Variants in ARHGAP17 observed in about 807,000 individuals in gnomAD.
ARHGAP17 encodes the protein Rho GTPase activating protein 17.
A neutral mutation model predicts 99.5 loss-of-function variants in ARHGAP17; 57 were observed. That is an observed-to-expected ratio of 0.57 (90% CI 0.46 to 0.71). The LOEUF is 0.71. ARHGAP17 is among the 30% of genes least tolerant of loss of function. ARHGAP17 has a pLI of 0.00. For synonymous variants in ARHGAP17, 417 were observed against 429.6 expected, an observed-to-expected ratio of 0.97 and a Z score of 0.36; for missense variants, 1,000 against 1,122.4, an observed-to-expected ratio of 0.89 and a Z score of 1.56.
chr16:25,011,753 T>C (rs2053649242), intron 1 of ARHGAP17, among the ~76,000 whole-genome samples: 1 of 151,468 alleles, frequency 6.6e-6, no homozygotes, highest in African/African-American at 2.4e-5. Context: ...GCAGCCACAC[T>C]ACTTATTAGA....
At chr16:24,928,998 T>G (rs1286168410) in intron 19 of ARHGAP17, among the ~76,000 whole-genome samples, 2 of 152,124 alleles carry the variant, frequency 1.3e-5, no homozygotes, top group Non-Finnish European at 2.9e-5. Flanking sequence ...AAATTTAAAA[T>G]TAAAGCTCAA....
Position 25,015,253 on chromosome 16 carries a change from C to A in ARHGAP17, c.9G>T (p.Lys3Asn). 7.4e-7 allele frequency: 1 copy of A among 1,353,876 alleles called. No homozygotes were observed. Among genetic ancestry groups the A allele is most frequent in the Non-Finnish European group, 9.6e-7 (1 of 1,041,778 alleles). 83.9% of individuals were successfully genotyped at this position (1,353,876 alleles called of 1,614,324 possible). Residue 3 changes from lysine to asparagine, a missense_variant, in exon 1 of 20, where the codon AAG becomes AAT. This residue lies in a region of ARHGAP17 where 472 missense variants were observed against 611.1 expected (regional missense o/e 0.77). Transcript: ENST00000289968. Reference sequence around the variant, plus strand: ...CCAGCTGCTTCATGCGGTTGAACTGCTTCTTCATGGCGGCGGTGGCGGCGG... The same window carrying A: ...CCAGCTGCTTCATGCGGTTGAACTGATTCTTCATGGCGGCGGTGGCGGCGG... MKKQFNRMKQLAN... is the reference protein window; with the variant it reads MKNQFNRMKQLAN...
intron 3 of ARHGAP17, among the ~76,000 whole-genome samples, chr16:24,971,628 T>TAA (rs2052366892): frequency 6.6e-6 from 1 of 152,224 alleles, no homozygotes; most frequent in Admixed American, 6.5e-5. Flanking sequence ...GCACCCAGTC[T>TAA]AAACTGGCTC....
chr16:25,007,953 C>A (rs2053550695), intron 1 of ARHGAP17, among the ~76,000 whole-genome samples: 1 of 152,182 alleles, frequency 6.6e-6, no homozygotes, highest in African/African-American at 2.4e-5. Context: ...CACCAGTTCA[C>A]TGCAGTCCCC....
intron 19 of ARHGAP17, among the ~76,000 whole-genome samples, chr16:24,923,071 C>T (rs1350813713): frequency 6.6e-6 from 1 of 152,202 alleles, no homozygotes; most frequent in African/African-American, 2.4e-5. Flanking sequence ...CCCCCACTAA[C>T]TAATCCTAAG....
chr16:24,942,907 G>A (rs536955660), intron 15 of ARHGAP17, among the ~76,000 whole-genome samples: 298 of 152,252 alleles, frequency 2.0e-3, no homozygotes, highest in African/African-American at 6.7e-3. Context: ...GCTAGCATTC[G>A]CTCATCCATC....
At chr16:24,938,561 C>T (rs879609989) in intron 17 of ARHGAP17, among the ~76,000 whole-genome samples, 41 of 151,994 alleles carry the variant, frequency 2.7e-4, no homozygotes, top group Non-Finnish European at 5.0e-4. Flanking sequence ...GCCAGGAGTT[C>T]GAGATCAGCC....
Position 24,950,836 on chromosome 16 carries a change from C to CAAACAAAAAAAAAA in ARHGAP17, c.1047-1353_1047-1352insTTTTTTTTTTGTTT, listed in dbSNP as rs1386246671. ...TGGGCGACAGAGTGGGACTCCAACT[C>CAAACAAAAAAAAAA]AAAAAAAAAAAAAAAAAAAAAAGAA... On this transcript the variant is annotated intron_variant, in intron 12 of 19. Transcript: ENST00000289968. 3.6e-3 allele frequency among the ~76,000 whole-genome samples: 143 copies of CAAACAAAAAAAAAA among 39,422 alleles called. 5 individuals are homozygous for CAAACAAAAAAAAAA. Among genetic ancestry groups the CAAACAAAAAAAAAA allele is most frequent in the African/African-American group, 0.014 (136 of 9,526 alleles). The allele number at this position is 39,422 out of a possible 152,430, so 25.9% of individuals were successfully genotyped here. A position where few individuals can be genotyped will look rare whatever the true frequency, so the allele number is the denominator to read the frequency against.
chr16:24,952,793 G>C lies in ARHGAP17; in HGVS notation c.964+138C>G, dbSNP rs561594908. 1.1e-5 allele frequency: 8 copies of C among 704,564 alleles called. No homozygotes were observed. The South Asian group carries it at 1.4e-4, about 13-fold the overall frequency. 43.6% of individuals were successfully genotyped at this position (704,564 alleles called of 1,614,324 possible). A position where few individuals can be genotyped will look rare whatever the true frequency, so the allele number is the denominator to read the frequency against. On this transcript the variant is annotated intron_variant, in intron 11 of 19. Coordinates refer to ENST00000289968, the MANE Select transcript of ARHGAP17 (RefSeq NM_001006634.3). Reference sequence around the variant, plus strand: ...TACATTACATTGTATATACACTAAGGAATTGTAGCAAGAGCCACTTCGGTT... The same window carrying C: ...TACATTACATTGTATATACACTAAGCAATTGTAGCAAGAGCCACTTCGGTT...
intron 11 of ARHGAP17, 117 bp downstream of exon 11, chr16:24,952,814 C>G: frequency 1.2e-6 from 1 of 845,348 alleles, no homozygotes. Context: ...AGAGCCACTT[C>G]GGTTTTGTCA....
In ARHGAP17 at chr16:24,938,562, G is replaced by A. The variant is rs145349097; in HGVS notation, c.1724+802C>T. ...GAAGATCACTTGAGGCCAGGAGTTCGAGATCAGCCTGGGCAACCTAGGGCA... is the reference window on the plus strand; with the variant it reads ...GAAGATCACTTGAGGCCAGGAGTTCAAGATCAGCCTGGGCAACCTAGGGCA... On this transcript the variant is annotated intron_variant, in intron 17 of 19. Coordinates refer to ENST00000289968, the MANE Select transcript of ARHGAP17 (RefSeq NM_001006634.3). Among the ~76,000 whole-genome samples, 721 of 152,162 alleles carry A rather than the reference G, an allele frequency of 4.7e-3. 4 individuals carry two copies. The highest frequency in any genetic ancestry group is 7.5e-3 in the Non-Finnish European group (507 of 67,994).
chr16:24,943,944 AT>A (rs2051389777), intron 14 of ARHGAP17, 82 bp from the exon 15 acceptor site: 1 of 1,235,628 alleles, frequency 8.1e-7, no homozygotes, highest in South Asian at 1.3e-5. Flanking sequence ...CAATTCAATT[AT>A]TTTTAAAGGA....
chr16:24,929,394 C>G (rs1597359737), intron 19 of ARHGAP17, among the ~76,000 whole-genome samples: 2 of 152,294 alleles, frequency 1.3e-5, no homozygotes, highest in African/African-American at 4.8e-5. Context: ...CTGACATCTA[C>G]TCCTCGAATT....
At chr16:24,982,978 A>ATATATATATATT (rs1555467400) in intron 1 of ARHGAP17, among the ~76,000 whole-genome samples, 25 of 20,456 alleles carry the variant, frequency 1.2e-3, no homozygotes, top group African/African-American at 4.2e-3. Flanking sequence ...ATATATATAT[A>ATATATATATATT]TATATATATA....
At chr16:24,932,210 G>A (rs941208743) in intron 18 of ARHGAP17, among the ~76,000 whole-genome samples, 1 of 152,136 alleles carries the variant, frequency 6.6e-6, no homozygotes, top group Non-Finnish European at 1.5e-5. Context: ...AACAACAGGG[G>A]AAACTGAGTA....
intron 13 of ARHGAP17, 127 bp from the exon 14 acceptor site, chr16:24,947,722 T>C: frequency 1.4e-6 from 1 of 696,872 alleles, no homozygotes; most frequent in South Asian, 1.8e-5. Context: ...AATCAGAATC[T>C]GGCTCAGGTG....
chr16:24,932,945 A>G (rs759402977), intron 18 of ARHGAP17, among the ~76,000 whole-genome samples: 5 of 152,210 alleles, frequency 3.3e-5, no homozygotes, highest in Non-Finnish European at 4.4e-5. Context: ...AAGGCCTTTT[A>G]TATAAATTAT....
intron 1 of ARHGAP17, among the ~76,000 whole-genome samples, chr16:25,008,743 C>T (rs866122908): frequency 6.6e-6 from 1 of 152,182 alleles, no homozygotes; most frequent in African/African-American, 2.4e-5. Flanking sequence ...GCCGCTTACA[C>T]ATATAAAAAT....
intron 1 of ARHGAP17, among the ~76,000 whole-genome samples, chr16:24,982,991 TATA>T: frequency 3.1e-5 from 1 of 31,918 alleles, no homozygotes; most frequent in South Asian, 1.0e-3. Flanking sequence ...TATATATATA[TATA>T]TATTTTTTTT....
Sources: allele counts gnomAD v4.1 joint callset (sites outside exome capture counted in the v4.1 genomes callset), GRCh38; gene constraint gnomAD v4.1.1; regional missense constraint gnomAD v4.1.1; transcripts MANE v1.5; gene names NCBI Gene and HGNC (gene_info 2026-07-23, HGNC 2026-07-21).